RAPGEF6: variants seen among roughly 807,000 people sequenced by gnomAD.
RAPGEF6 encodes the protein PDZ domain containing guanine nucleotide exchange factor (GEF) 2.
In RAPGEF6, 56 loss-of-function variants were observed where a neutral mutation model predicts 171.4. The observed-to-expected ratio is 0.33, with a 90% confidence interval of 0.26 to 0.41. The LOEUF (loss-of-function observed/expected upper bound fraction) is 0.41, where lower values mean the gene tolerates loss of function less well. RAPGEF6 is among the 10% of genes least tolerant of loss of function. The pLI is 1.00. For synonymous variants in RAPGEF6, 692 were observed against 650.1 expected (o/e 1.06, Z -0.98); for missense variants, 1,674 against 1,921.4 (o/e 0.87, Z 2.41).
chr5:131,448,936 G>A (rs1451126607), intron 21 of RAPGEF6, among the ~76,000 whole-genome samples: 1 of 151,978 alleles, frequency 6.6e-6, no homozygotes, highest in Non-Finnish European at 1.5e-5. Context: ...GAAAACACAT[G>A]GGAAACACAC....
At chr5:131,536,505 A>G (rs1175302438) in intron 6 of RAPGEF6, among the ~76,000 whole-genome samples, 1 of 152,134 alleles carries the variant, frequency 6.6e-6, no homozygotes, top group Non-Finnish European at 1.5e-5. Context: ...ACTGTCATAT[A>G]TATCCACTAA....
At chr5:131,487,782 G>A (rs1194512163) in intron 15 of RAPGEF6, among the ~76,000 whole-genome samples, 2 of 152,166 alleles carry the variant, frequency 1.3e-5, no homozygotes, top group Non-Finnish European at 2.9e-5. Context: ...TTTTGTAGGT[G>A]TCCTCACTGT....
At chr5:131,481,606 G>A (rs1276129484) in intron 15 of RAPGEF6, among the ~76,000 whole-genome samples, 1 of 152,158 alleles carries the variant, frequency 6.6e-6, no homozygotes, top group Non-Finnish European at 1.5e-5. Flanking sequence ...GTACATTTGG[G>A]AAATTACCTG....
chr5:131,441,267 T>A (rs1007102174), intron 23 of RAPGEF6, among the ~76,000 whole-genome samples: 12 of 152,242 alleles, frequency 7.9e-5, no homozygotes, highest in African/African-American at 2.4e-4. Context: ...GGCATTACTA[T>A]GAAGACTGAT....
At chr5:131,548,275 G>A in intron 5 of RAPGEF6, 85 bp from the exon 6 acceptor site, 1 of 1,371,930 alleles carries the variant, frequency 7.3e-7, no homozygotes, top group Non-Finnish European at 1.0e-6. Context: ...GACTCATAAG[G>A]AAGCTTCATT....
At chr5:131,471,203 A>C (rs573578537) in intron 17 of RAPGEF6, among the ~76,000 whole-genome samples, 73 of 152,342 alleles carry the variant, frequency 4.8e-4, no homozygotes, top group Middle Eastern at 3.4e-3. Context: ...TTAGGAAAGT[A>C]ATGACTCATT....
At chr5:131,543,430 TGA>T (rs1225583283) in intron 6 of RAPGEF6, among the ~76,000 whole-genome samples, 2 of 152,164 alleles carry the variant, frequency 1.3e-5, no homozygotes, top group Non-Finnish European at 2.9e-5. Context: ...TGGGAGAATT[TGA>T]GAGATGCTAT....
intron 4 of RAPGEF6, among the ~76,000 whole-genome samples, chr5:131,571,849 C>T (rs764145744): frequency 2.6e-5 from 4 of 152,176 alleles, no homozygotes; most frequent in Admixed American, 6.5e-5. Flanking sequence ...GTGACATTCC[C>T]GCCACCACCG....
At chr5:131,491,623 G>C (rs969820135) in intron 14 of RAPGEF6, among the ~76,000 whole-genome samples, 1 of 152,120 alleles carries the variant, frequency 6.6e-6, no homozygotes, top group African/African-American at 2.4e-5. Flanking sequence ...ATTACCGCCT[G>C]ACCTCCACCT....
Position 131,495,679 on chromosome 5 carries a change from G to A in RAPGEF6, c.1420-19C>T. 3 of 1,602,384 alleles carry A rather than the reference G, an allele frequency of 1.9e-6. No individual in the cohort carries two copies. The highest frequency in any genetic ancestry group is 2.6e-6 in the Non-Finnish European group (3 of 1,173,358). On this transcript the variant is annotated intron_variant, in intron 12 of 27. Coordinates refer to ENST00000509018, the MANE Select transcript of RAPGEF6 (RefSeq NM_016340.6). ...GTGTCACCTGTGGAAACATAAAAGA[G>A]GCAGCATATGGTTATAAGAGGCATT...
At chr5:131,574,124 C>T (rs1239786559) in intron 4 of RAPGEF6, among the ~76,000 whole-genome samples, 4 of 152,224 alleles carry the variant, frequency 2.6e-5, no homozygotes, top group African/African-American at 9.6e-5. Flanking sequence ...AAAACCTCCT[C>T]ATGGACCTTG....
intron 6 of RAPGEF6, among the ~76,000 whole-genome samples, chr5:131,522,728 C>T (rs150492048): frequency 6.5e-4 from 99 of 152,192 alleles, no homozygotes; most frequent in African/African-American, 2.3e-3. Context: ...TTTCTGATTC[C>T]TAAAGAAAAG....
At chr5:131,437,594 G>C (rs1752097010) in intron 24 of RAPGEF6, among the ~76,000 whole-genome samples, 1 of 152,234 alleles carries the variant, frequency 6.6e-6, no homozygotes, top group African/African-American at 2.4e-5. Context: ...GACAAGGAAA[G>C]TGATGACATA....
chr5:131,569,031 G>A (rs1762118370), intron 4 of RAPGEF6, among the ~76,000 whole-genome samples: 1 of 152,114 alleles, frequency 6.6e-6, no homozygotes, highest in Non-Finnish European at 1.5e-5. Flanking sequence ...TAACAAAAGT[G>A]TAAGACTTAT....
intron 5 of RAPGEF6, among the ~76,000 whole-genome samples, chr5:131,548,728 A>G (rs1760714177): frequency 6.6e-6 from 1 of 152,244 alleles, no homozygotes; most frequent in Admixed American, 6.5e-5. Flanking sequence ...ATAGGCCAGC[A>G]TGCATATATA....
chr5:131,439,798 ACTATGATGCACAATGG>A (rs1752259784), intron 23 of RAPGEF6, 83 bp from the exon 24 acceptor site: 1 of 1,528,732 alleles, frequency 6.5e-7, no homozygotes, highest in East Asian at 2.3e-5. Flanking sequence ...CATAACTAAC[ACTATGATGCACAATGG>A]CTAGTGTAGT....
At chr5:131,609,792 T>G (rs1414265985) in intron 1 of RAPGEF6, among the ~76,000 whole-genome samples, 1 of 152,202 alleles carries the variant, frequency 6.6e-6, no homozygotes, top group Non-Finnish European at 1.5e-5. Flanking sequence ...GTGATAGATA[T>G]CTATATTCTG....
rs77614820 is a variant in RAPGEF6 at position 131,622,772 on chromosome 5, T to C, written c.69+12190A>G. Among the ~76,000 whole-genome samples, 508 of 152,252 alleles carry C rather than the reference T, an allele frequency of 3.3e-3. 4 individuals are homozygous for C. The highest frequency in any genetic ancestry group is 0.012 in the African/African-American group (483 of 41,542). On this transcript the variant is annotated intron_variant, in intron 1 of 27. Transcript: ENST00000509018. ...GGTCAAGGGGCCCCAGAAGTATAAATAAGTTCTTTTTCTTTCCAAGGAACC... is the reference window on the plus strand; with the variant it reads ...GGTCAAGGGGCCCCAGAAGTATAAACAAGTTCTTTTTCTTTCCAAGGAACC...
At chr5:131,581,615 T>G (rs979926590) in intron 4 of RAPGEF6, among the ~76,000 whole-genome samples, 1 of 151,968 alleles carries the variant, frequency 6.6e-6, no homozygotes, top group African/African-American at 2.4e-5. Context: ...ACCTCACCCA[T>G]CACCCCTCCA....
Sources: allele counts gnomAD v4.1 joint callset (sites outside exome capture counted in the v4.1 genomes callset), GRCh38; gene constraint gnomAD v4.1.1; transcripts MANE v1.5; gene names NCBI Gene and HGNC (gene_info 2026-07-23, HGNC 2026-07-21).